DMD: variants seen among roughly 807,000 people sequenced by gnomAD.
DMD encodes mutant dystrophin.
In DMD, 63 loss-of-function variants were observed where a neutral mutation model predicts 330.1. The ratio of observed to expected loss-of-function variants is 0.19; its 90% CI spans 0.16 to 0.24. The LOEUF is 0.24. Among genes scored for constraint, DMD ranks in the 10% least tolerant of loss-of-function variants. The probability of loss-of-function intolerance (pLI) is 1.00; values close to 1 mark genes in which losing one functional copy is unlikely to be tolerated. For synonymous variants in DMD, 1,223 were observed against 959.8 expected (o/e 1.27, Z -5.07); for missense variants, 3,344 against 2,684.1 (o/e 1.25, Z -5.43).
At chrX:31,571,094 A>G (rs377506690) in intron 55 of DMD, among the ~76,000 whole-genome samples, 21 of 111,757 alleles carry the variant, frequency 1.9e-4, no homozygotes, top group African/African-American at 6.8e-4. Flanking sequence ...TTATGAAAAA[A>G]TCAATACTTT....
intron 1 of DMD, among the ~76,000 whole-genome samples, chrX:33,136,222 T>A (rs1407952937): frequency 3.5e-5 from 3 of 85,277 alleles, no homozygotes; most frequent in Non-Finnish European, 6.3e-5. Context: ...AAGGCTGCAG[T>A]GAGCTGTGAT....
chrX:32,631,051 C>A (rs2058696891), intron 11 of DMD, among the ~76,000 whole-genome samples: 1 of 112,099 alleles, frequency 8.9e-6, no homozygotes, highest in Non-Finnish European at 1.9e-5. Flanking sequence ...CACTGGGGTG[C>A]ACCCAAGCCC....
intron 30 of DMD, among the ~76,000 whole-genome samples, chrX:32,396,613 C>CTT (rs201693489): frequency 3.6e-5 from 4 of 109,648 alleles, no homozygotes; most frequent in African/African-American, 6.6e-5. Flanking sequence ...TATCCTTTTG[C>CTT]TTTTTTTTGC....
chrX:31,548,363 A>G (rs920785458), intron 55 of DMD, among the ~76,000 whole-genome samples: 3 of 111,083 alleles, frequency 2.7e-5, no homozygotes, highest in African/African-American at 9.8e-5. Flanking sequence ...TCACCCTTGA[A>G]CATCTTTCCC....
chrX:32,888,499 GAC>G (rs1162974545), intron 2 of DMD, among the ~76,000 whole-genome samples: 2 of 111,653 alleles, frequency 1.8e-5, no homozygotes, highest in Admixed American at 1.9e-4. Context: ...TTCTCAAAAA[GAC>G]AAAGGATAAC....
intron 13 of DMD, among the ~76,000 whole-genome samples, chrX:32,575,835 G>A (rs1462338799): frequency 1.8e-5 from 2 of 111,814 alleles, no homozygotes; most frequent in South Asian, 3.7e-4. Flanking sequence ...ACAGTCAAGG[G>A]AAGAAGGGAC....
intron 30 of DMD, among the ~76,000 whole-genome samples, chrX:32,400,862 C>T (rs1284047012): frequency 9.2e-6 from 1 of 109,000 alleles, no homozygotes; most frequent in Non-Finnish European, 1.9e-5. Flanking sequence ...AATCATGCTG[C>T]TATAAAGACA....
chrX:31,970,022 G>A (rs1347633001), intron 44 of DMD, among the ~76,000 whole-genome samples: 1 of 111,872 alleles, frequency 8.9e-6, no homozygotes, highest in Non-Finnish European at 1.9e-5. Context: ...ATAACAAACT[G>A]TGTCTATATA....
intron 1 of DMD, among the ~76,000 whole-genome samples, chrX:33,324,676 C>A (rs1288048674): frequency 9.0e-6 from 1 of 111,029 alleles, no homozygotes; most frequent in African/African-American, 3.3e-5. Context: ...AAAATGTGAT[C>A]AATTCTCTTA....
intron 7 of DMD, among the ~76,000 whole-genome samples, chrX:32,796,515 A>G (rs1337859420): frequency 1.8e-5 from 2 of 111,618 alleles, no homozygotes; most frequent in Non-Finnish European, 3.8e-5. Flanking sequence ...TATAGTTGGA[A>G]GGTATATATT....
chrX:31,563,685 TA>T (rs1392536587), intron 55 of DMD, among the ~76,000 whole-genome samples: 1 of 112,056 alleles, frequency 8.9e-6, no homozygotes, highest in Non-Finnish European at 1.9e-5. Context: ...TAAAATACTA[TA>T]AATCTATTCT....
chrX:31,371,839 T>C (rs1398716590), intron 60 of DMD, among the ~76,000 whole-genome samples: 1 of 112,393 alleles, frequency 8.9e-6, no homozygotes, highest in East Asian at 2.8e-4. Context: ...GTAAACATGA[T>C]GATTAAGAAC....
At chrX:31,173,796 C>T (rs2040244115) in intron 71 of DMD, among the ~76,000 whole-genome samples, 192 bp from the exon 72 acceptor site, 1 of 111,899 alleles carries the variant, frequency 8.9e-6, no homozygotes, top group African/African-American at 3.2e-5. Flanking sequence ...GATGATTTCT[C>T]ATACTTCTGC....
chrX:32,451,187 A>G lies in DMD; in HGVS notation c.3604-2549T>C, dbSNP rs771519688. 2.7e-5 allele frequency among the ~76,000 whole-genome samples: 3 copies of G among 110,966 alleles called. No individual in the cohort carries two copies. The South Asian group carries it at 1.1e-3, about 42-fold the overall frequency. On this transcript the variant is annotated intron_variant, in intron 26 of 78. Transcript: ENST00000357033. ...TCAAACTTGTTAAAAATGAAAAACTACAGGCCTCACCCAAGACTCACTGAA... is the reference window on the plus strand; with the variant it reads ...TCAAACTTGTTAAAAATGAAAAACTGCAGGCCTCACCCAAGACTCACTGAA...
chrX:32,122,014 C>T (rs1262611115), intron 44 of DMD, among the ~76,000 whole-genome samples: 1 of 110,692 alleles, frequency 9.0e-6, no homozygotes, highest in Non-Finnish European at 1.9e-5. Context: ...TGCATTTGCT[C>T]TGTGACCCAG....
chrX:32,265,316 G>A (rs1297460678), intron 43 of DMD, among the ~76,000 whole-genome samples: 1 of 112,831 alleles, frequency 8.9e-6, no homozygotes, highest in African/African-American at 3.2e-5. Context: ...ATGTGGTGTT[G>A]AGCCTGTGGG....
At position 31,848,827 on chromosome X, in the gene DMD, T is replaced by C. The variant is rs759093138; in HGVS notation, c.7099-12008A>G. On this transcript the variant is annotated intron_variant, in intron 48 of 78. Transcript: ENST00000357033. The stretch of plus-strand genomic sequence containing the variant: ...ATCTCTTATTAAATGGCATTACTAA[T>C]AATGGGCAGTTGCTGATCTGACAAG... Among the ~76,000 whole-genome samples the C allele has an allele frequency of 1.5e-4, 16 of 109,697 alleles. 1 individual carries two copies. The highest frequency in any genetic ancestry group is 4.6e-4 in the African/African-American group (14 of 30,265).
intron 13 of DMD, among the ~76,000 whole-genome samples, chrX:32,585,578 C>T (rs7883959): frequency 2.9e-3 from 306 of 106,219 alleles, no homozygotes; most frequent in African/African-American, 9.7e-3. Flanking sequence ...CAGGCGCCTG[C>T]AGTCCCAGCT....
chrX:33,207,863 C>T (rs2051671846), intron 1 of DMD, among the ~76,000 whole-genome samples: 1 of 111,122 alleles, frequency 9.0e-6, no homozygotes, highest in Non-Finnish European at 1.9e-5. Context: ...TTTCATGAAA[C>T]CTGGTTGCAT....
Sources: allele counts gnomAD v4.1 joint callset (sites outside exome capture counted in the v4.1 genomes callset), GRCh38; gene constraint gnomAD v4.1.1; transcripts MANE v1.5; gene names NCBI Gene and HGNC (gene_info 2026-07-23, HGNC 2026-07-21).